SCN2A: variants seen among roughly 807,000 people sequenced by gnomAD.
SCN2A encodes sodium voltage-gated channel alpha subunit 2, also known as sodium channel protein type 2 subunit alpha.
In SCN2A, 20 loss-of-function variants were observed where a neutral mutation model predicts 188.7. The ratio of observed to expected loss-of-function variants is 0.11; its 90% confidence interval spans 0.07 to 0.15. The LOEUF (loss-of-function observed/expected upper bound fraction) is 0.15. Ranked by LOEUF, SCN2A falls within the 10% of genes least tolerant of loss-of-function variation. The pLI, the probability that SCN2A is intolerant of heterozygous loss-of-function variation, is 1.00. For missense variants in SCN2A, 1,278 were observed against 2,445.0 expected (o/e 0.52, Z 10.07); for synonymous variants, 804 against 833.1 (o/e 0.97, Z 0.60).
At chr2:165,308,627 C>G (rs1356287822) in intron 4 of SCN2A, 39 bp from the exon 5 acceptor site, 2 of 1,600,834 alleles carry the variant, frequency 1.2e-6, no homozygotes, top group African/African-American at 2.7e-5. Flanking sequence ...GTAAATTAAC[C>G]ACTAGATTTT....
chr2:165,388,959 G>C lies in SCN2A; in HGVS notation c.5153G>C (p.Gly1718Ala). The stretch of plus-strand genomic sequence containing the variant: ...ATTACAACCTCTGCTGGCTGGGATG[G>C]ATTGCTAGCACCTATTCTTAATAGT... ...FQITTSAGWD[G>A]LLAPILNSGP... The change falls in exon 27 of 27, where the codon GGA (glycine) becomes GCA (alanine). Residue 1718 changes from glycine (G) to alanine (A), a missense_variant. By Grantham distance (60) the Gly-to-Ala change is moderately conservative (BLOSUM62 0). Coordinates refer to ENST00000375437, the MANE Select transcript of SCN2A (RefSeq NM_001040142.2). The C allele has an allele frequency of 6.2e-7, 1 of 1,614,116 alleles. No individual in the cohort carries two copies. The highest frequency in any genetic ancestry group is 8.5e-7 in the Non-Finnish European group (1 of 1,180,010).
chr2:165,320,481 C>T (rs1317888793), intron 11 of SCN2A: 1 of 152,230 alleles, frequency 6.6e-6, no homozygotes, highest in African/African-American at 2.4e-5. Context: ...GGGCTCTGAC[C>T]CCACATTTCC....
chr2:165,289,498 TA>T, intron 1 of SCN2A, among the ~76,000 whole-genome samples: 1 of 152,162 alleles, frequency 6.6e-6, no homozygotes, highest in South Asian at 2.1e-4. Context: ...TGTCTGGCCT[TA>T]AAAGTTGTAA....
chr2:165,271,544 G>T (rs1395805309), intron 1 of SCN2A: 1 of 152,152 alleles, frequency 6.6e-6, no homozygotes, highest in Non-Finnish European at 1.5e-5. Flanking sequence ...ACAAAAGGTA[G>T]TGGAGATTGG....
At chr2:165,262,641 A>C (rs1178879286) in intron 1 of SCN2A, among the ~76,000 whole-genome samples, 1 of 152,060 alleles carries the variant, frequency 6.6e-6, no homozygotes, top group Non-Finnish European at 1.5e-5. Context: ...TATATTAATC[A>C]ACAAGTGATT....
In SCN2A at chr2:165,315,464, C is replaced by A. The variant is rs1283931859; in HGVS notation, c.1384-7C>A. 6.2e-7 allele frequency: 1 copy of A among 1,613,566 alleles called. No homozygotes were observed. On this transcript the variant is annotated splice_region_variant and splice_polypyrimidine_tract_variant and intron_variant, in intron 10 of 26. Transcript: ENST00000375437. ...ATGCAACTTCCACATACTTTGCGCC[C>A]TTCTAGGCGGCAGCTGCAGCCGCAT...
At chr2:165,388,522 T>C in intron 26 of SCN2A, 107 bp from the exon 27 acceptor site, 1 of 1,451,140 alleles carries the variant, frequency 6.9e-7, no homozygotes, top group Non-Finnish European at 9.5e-7. Flanking sequence ...TATATACATG[T>C]ACCTAACTGT....
chr2:165,350,013 A>G (rs1699802879), intron 16 of SCN2A, among the ~76,000 whole-genome samples: 1 of 152,244 alleles, frequency 6.6e-6, no homozygotes, highest in Admixed American at 6.5e-5. Flanking sequence ...AGCCTAGTCT[A>G]CAGACAAGAC....
chr2:165,241,747 G>C (rs1693631799), intron 1 of SCN2A, among the ~76,000 whole-genome samples: 1 of 152,188 alleles, frequency 6.6e-6, no homozygotes, highest in Admixed American at 6.5e-5. Context: ...CACCTATCTT[G>C]TGCCAGGCAC....
chr2:165,362,492 G>C (rs1700513238), intron 17 of SCN2A, among the ~76,000 whole-genome samples: 1 of 151,950 alleles, frequency 6.6e-6, no homozygotes, highest in Admixed American at 6.6e-5. Context: ...TTTTAACCTT[G>C]GATCAAACTA....
chr2:165,301,870 T>G (rs1490003393), intron 3 of SCN2A, among the ~76,000 whole-genome samples: 2 of 152,230 alleles, frequency 1.3e-5, no homozygotes, highest in African/African-American at 4.8e-5. Context: ...GTAGATGAGT[T>G]CACTGAAACC....
intron 1 of SCN2A, among the ~76,000 whole-genome samples, chr2:165,280,798 C>A (rs1234628945): frequency 2.0e-5 from 3 of 152,154 alleles, no homozygotes; most frequent in Admixed American, 1.3e-4. Context: ...CCTAGGAGTA[C>A]CTCCTTAACT....
chr2:165,347,849 A>G (rs564646433), intron 16 of SCN2A, among the ~76,000 whole-genome samples: 2 of 152,292 alleles, frequency 1.3e-5, no homozygotes, highest in African/African-American at 2.4e-5. Context: ...TTGGACCTAA[A>G]ATATATTTAA....
intron 1 of SCN2A, chr2:165,266,589 C>T (rs560251235): frequency 6.6e-6 from 1 of 152,052 alleles, no homozygotes; most frequent in Non-Finnish European, 1.5e-5. Context: ...ATTGTATTGA[C>T]GGAAACTCAG....
At chr2:165,354,792 A>G (rs1700099129) in intron 17 of SCN2A, 121 bp downstream of exon 17, 1 of 976,712 alleles carries the variant, frequency 1.0e-6, no homozygotes, top group African/African-American at 1.6e-5. Context: ...TCTGTCTAGC[A>G]ATATATTTTC....
intron 14 of SCN2A, among the ~76,000 whole-genome samples, chr2:165,336,951 A>T (rs1346120843): frequency 2.0e-5 from 3 of 152,010 alleles, no homozygotes; most frequent in Non-Finnish European, 4.4e-5. Flanking sequence ...GGGAAATGTG[A>T]CTCATAGTTA....
At chr2:165,368,961 T>C (rs1482297205) in intron 19 of SCN2A, among the ~76,000 whole-genome samples, 1 of 152,126 alleles carries the variant, frequency 6.6e-6, no homozygotes, top group East Asian at 1.9e-4. Context: ...ACAGTCTTGC[T>C]GTTGCCCAGG....
intron 1 of SCN2A, among the ~76,000 whole-genome samples, chr2:165,255,785 C>T (rs1211309553): frequency 2.0e-5 from 3 of 152,058 alleles, no homozygotes; most frequent in Non-Finnish European, 4.4e-5. Context: ...ATGATAATTT[C>T]AGTTGATACG....
At chr2:165,386,451 G>A (rs575909597) in intron 25 of SCN2A, among the ~76,000 whole-genome samples, 3 of 151,930 alleles carry the variant, frequency 2.0e-5, no homozygotes, top group Admixed American at 1.3e-4. Context: ...GCAACAGAGC[G>A]AGACTCCATC....
Sources: gnomAD v4.1 joint callset for allele counts (sites outside exome capture counted in the v4.1 genomes callset) on GRCh38, gnomAD v4.1.1 for gene constraint, MANE v1.5 for transcripts, NCBI Gene and HGNC (gene_info 2026-07-23, HGNC 2026-07-21) for gene names.